MEF2A: variants seen among roughly 807,000 people sequenced by gnomAD.
MEF2A encodes the protein myocyte-specific enhancer factor 2A.
MEF2A carries 28 observed loss-of-function variants against 55.8 expected under a neutral mutation model. The ratio of observed to expected loss-of-function variants is 0.50; its 90% CI spans 0.37 to 0.69. The LOEUF is 0.69. MEF2A is among the 30% of genes least tolerant of loss of function. The pLI is 0.00. For synonymous variants in MEF2A, 239 were observed against 227.1 expected (o/e 1.05, Z -0.47); for missense variants, 528 against 626.2 (o/e 0.84, Z 1.67).
intron 4 of MEF2A, among the ~76,000 whole-genome samples, chr15:99,654,695 A>G (rs980490724): frequency 2.6e-5 from 4 of 152,084 alleles, no homozygotes. Context: ...TTGTCTTCAC[A>G]CTGGCTTTTT....
At chr15:99,569,154 A>G (rs1224306127) in intron 1 of MEF2A, among the ~76,000 whole-genome samples, 1 of 152,238 alleles carries the variant, frequency 6.6e-6, no homozygotes, top group Non-Finnish European at 1.5e-5. Context: ...ATCCAGCTCC[A>G]CTGCTGACAG....
chr15:99,635,580 T>C (rs1166375243), intron 3 of MEF2A, among the ~76,000 whole-genome samples: 2 of 152,164 alleles, frequency 1.3e-5, no homozygotes, highest in African/African-American at 4.8e-5. Flanking sequence ...CGAGAGGCAC[T>C]CTATCCTGTC....
At chr15:99,622,108 GC>G (rs1449212521) in intron 2 of MEF2A, among the ~76,000 whole-genome samples, 1 of 152,156 alleles carries the variant, frequency 6.6e-6, no homozygotes, top group African/African-American at 2.4e-5. Context: ...GAATATGAGT[GC>G]TAGATTCTAT....
At chr15:99,573,864 G>A (rs1473702447) in intron 1 of MEF2A, among the ~76,000 whole-genome samples, 31 of 152,138 alleles carry the variant, frequency 2.0e-4, no homozygotes. Flanking sequence ...GTAAATTGGG[G>A]ATTCCTTTGG....
intron 4 of MEF2A, among the ~76,000 whole-genome samples, chr15:99,652,505 C>T (rs150629359): frequency 6.6e-6 from 1 of 152,216 alleles, no homozygotes; most frequent in African/African-American, 2.4e-5. Context: ...CAAAGATGCT[C>T]TAGGTCAGAG....
chr15:99,641,718 T>A (rs1226437533), intron 3 of MEF2A, among the ~76,000 whole-genome samples: 11 of 152,118 alleles, frequency 7.2e-5, no homozygotes, highest in Non-Finnish European at 1.2e-4. Flanking sequence ...AGTGAGACTC[T>A]GTCTTAAAAA....
intron 2 of MEF2A, among the ~76,000 whole-genome samples, chr15:99,631,805 A>T (rs549015179): frequency 6.6e-6 from 1 of 152,328 alleles, no homozygotes; most frequent in Non-Finnish European, 1.5e-5. Context: ...GAAGATAAAT[A>T]AGAAATGCTG....
At chr15:99,648,275 A>G (rs529920002) in intron 4 of MEF2A, among the ~76,000 whole-genome samples, 1 of 152,052 alleles carries the variant, frequency 6.6e-6, no homozygotes, top group Non-Finnish European at 1.5e-5. Context: ...CAAAGATTTG[A>G]GGGGGTTCTA....
intron 2 of MEF2A, among the ~76,000 whole-genome samples, chr15:99,623,759 T>A (rs959361116): frequency 6.6e-6 from 1 of 152,180 alleles, no homozygotes; most frequent in African/African-American, 2.4e-5. Context: ...GTTGAGTTTT[T>A]AAATATATTC....
At chr15:99,577,592 C>T (rs1964701294) in intron 1 of MEF2A, among the ~76,000 whole-genome samples, 1 of 152,174 alleles carries the variant, frequency 6.6e-6, no homozygotes. Context: ...ATGCCAAAAC[C>T]AGGAAAGTAA....
At chr15:99,622,993 C>T (rs1248404859) in intron 2 of MEF2A, among the ~76,000 whole-genome samples, 2 of 152,280 alleles carry the variant, frequency 1.3e-5, no homozygotes, top group Admixed American at 6.5e-5. Context: ...AGCCACCACG[C>T]CCGGCCCGGA....
At chr15:99,613,568 T>G (rs536700989) in intron 2 of MEF2A, among the ~76,000 whole-genome samples, 20 of 152,120 alleles carry the variant, frequency 1.3e-4, no homozygotes, top group Non-Finnish European at 2.6e-4. Context: ...AAAGGTACCT[T>G]GAAGCAGGAG....
At chr15:99,638,082 T>A (rs2044211192) in intron 3 of MEF2A, among the ~76,000 whole-genome samples, 1 of 152,226 alleles carries the variant, frequency 6.6e-6, no homozygotes, top group Non-Finnish European at 1.5e-5. Flanking sequence ...TGGAAAAATG[T>A]CTATTCAAAT....
At position 99,706,778 on chromosome 15, in the gene MEF2A, C is replaced by A. The variant is rs774313312; in HGVS notation, c.932C>A (p.Pro311Gln). 6.2e-7 allele frequency: 1 copy of A among 1,613,970 alleles called. No homozygotes were observed. Among genetic ancestry groups the A allele is most frequent in the Non-Finnish European group, 8.5e-7 (1 of 1,179,830 alleles). Reference protein sequence around the residue: ...SSQATQPLATPVVSVTTPSLP... With the variant: ...SSQATQPLATQVVSVTTPSLP... The stretch of plus-strand genomic sequence containing the variant: ...CAAGCCACTCAACCTCTTGCTACCC[C>A]AGTCGTGTCTGTGACAACCCCAAGC... Residue 311 changes from proline to glutamine, a missense_variant, in exon 10 of 12, where the codon CCA (proline) becomes CAA (glutamine). Physicochemically the swap from Pro to Gln is moderately conservative, Grantham distance 76 (BLOSUM62 -1). This residue lies in a region of MEF2A where 450 missense variants were observed against 475.3 expected (regional missense o/e 0.95). Transcript: ENST00000557942.
chr15:99,700,192 A>ACACACACACC (rs2057206948), intron 8 of MEF2A, among the ~76,000 whole-genome samples: 1 of 127,586 alleles, frequency 7.8e-6, no homozygotes, highest in Non-Finnish European at 1.6e-5. Flanking sequence ...ATATATACAC[A>ACACACACACC]CACACACACA....
chr15:99,703,763 T>C (rs1457747645), intron 9 of MEF2A, among the ~76,000 whole-genome samples: 1 of 152,168 alleles, frequency 6.6e-6, no homozygotes, highest in Non-Finnish European at 1.5e-5. Context: ...TAACACACGA[T>C]GTTGTGTTGT....
intron 7 of MEF2A, among the ~76,000 whole-genome samples, chr15:99,689,292 T>C (rs534751287): frequency 1.3e-5 from 2 of 152,246 alleles, no homozygotes; most frequent in Admixed American, 6.5e-5. Flanking sequence ...AACGGGGCAT[T>C]AGAAATGAGT....
At chr15:99,699,084 C>A (rs918034318) in intron 8 of MEF2A, among the ~76,000 whole-genome samples, 1 of 151,782 alleles carries the variant, frequency 6.6e-6, no homozygotes, top group Non-Finnish European at 1.5e-5. Flanking sequence ...AAAAAACTTG[C>A]TGTACAATCC....
intron 8 of MEF2A, among the ~76,000 whole-genome samples, chr15:99,694,302 C>T (rs547824004): frequency 1.6e-4 from 25 of 152,240 alleles, no homozygotes; most frequent in African/African-American, 5.8e-4. Context: ...ATTAAGATGC[C>T]GTTTTCATCA....
Sources: allele counts gnomAD v4.1 joint callset (sites outside exome capture counted in the v4.1 genomes callset), GRCh38; gene constraint gnomAD v4.1.1; regional missense constraint gnomAD v4.1.1; transcripts MANE v1.5; gene names NCBI Gene and HGNC (gene_info 2026-07-23, HGNC 2026-07-21).